NRG3: variants seen among roughly 807,000 people sequenced by gnomAD.
NRG3 encodes pro-neuregulin-3, membrane-bound isoform.
Under a neutral mutation model 66.9 loss-of-function variants are expected in NRG3, and 31 were observed. The ratio of observed to expected loss-of-function variants is 0.46; its 90% confidence interval spans 0.35 to 0.63. The LOEUF is 0.63. Ranked by LOEUF, NRG3 falls within the 20% of genes least tolerant of loss-of-function variation. The pLI is 0.00. For missense variants in NRG3, 910 were observed against 878.9 expected, an observed-to-expected ratio of 1.04 and a Z score of -0.45; for synonymous variants, 393 against 359.4, an observed-to-expected ratio of 1.09 and a Z score of -1.06.
At chr10:82,741,918 A>C (rs1258835617) in intron 3 of NRG3, among the ~76,000 whole-genome samples, 1 of 152,196 alleles carries the variant, frequency 6.6e-6, no homozygotes, top group Non-Finnish European at 1.5e-5. Context: ...TTAATGCAGC[A>C]ACTTGAGCTT....
chr10:82,618,833 A>T (rs1212442862), intron 2 of NRG3, among the ~76,000 whole-genome samples: 1 of 152,094 alleles, frequency 6.6e-6, no homozygotes, highest in Non-Finnish European at 1.5e-5. Flanking sequence ...ATTAAATGAT[A>T]TAATGCAAAT....
intron 1 of NRG3, among the ~76,000 whole-genome samples, chr10:81,939,031 C>G (rs1391406488): frequency 6.6e-6 from 1 of 151,792 alleles, no homozygotes; most frequent in Non-Finnish European, 1.5e-5. Flanking sequence ...GATTCATTGT[C>G]CTTTATTTTA....
intron 4 of NRG3, among the ~76,000 whole-genome samples, chr10:82,893,221 C>T (rs1218796274): frequency 6.6e-6 from 1 of 152,090 alleles, no homozygotes; most frequent in African/African-American, 2.4e-5. Flanking sequence ...ACAGCCTCCA[C>T]AAATTTCAAA....
intron 3 of NRG3, among the ~76,000 whole-genome samples, chr10:82,812,084 A>G (rs1038353619): frequency 6.6e-6 from 1 of 152,148 alleles, no homozygotes; most frequent in African/African-American, 2.4e-5. Context: ...AACCAAATAC[A>G]TGGCTCTTCT....
chr10:82,253,595 C>A (rs1420975730), intron 1 of NRG3, among the ~76,000 whole-genome samples: 1 of 152,212 alleles, frequency 6.6e-6, no homozygotes, highest in Admixed American at 6.5e-5. Flanking sequence ...CAGCCACCAT[C>A]ACCTTACTCA....
At chr10:82,604,818 T>C (rs1054473358) in intron 2 of NRG3, among the ~76,000 whole-genome samples, 1 of 152,130 alleles carries the variant, frequency 6.6e-6, no homozygotes, top group African/African-American at 2.4e-5. Context: ...TCTTTTTTAA[T>C]TTTCTTTTTT....
rs184687887 is a variant in NRG3, at chr10:82,252,047, C to T, written c.824-106692C>T. Among the ~76,000 whole-genome samples, 24 of 152,282 alleles carry T rather than the reference C, an allele frequency of 1.6e-4. No homozygotes were observed. In the East Asian group the frequency reaches 4.3e-3, roughly 27 times the overall value. ...CTGCATGGTGCTGTGGACAGAGAAG[C>T]AAGACTCAGAGACTGAGGCCTTCTG... On this transcript the variant is annotated intron_variant, in intron 1 of 8. Transcript: ENST00000372141.
chr10:82,679,584 G>A (rs546650532), intron 2 of NRG3, among the ~76,000 whole-genome samples: 1 of 152,298 alleles, frequency 6.6e-6, no homozygotes, highest in Admixed American at 6.5e-5. Context: ...ATAATGCAAA[G>A]CTGCTTGTTC....
chr10:82,964,954 C>G (rs972715818), intron 6 of NRG3, among the ~76,000 whole-genome samples: 5 of 152,158 alleles, frequency 3.3e-5, no homozygotes, highest in Admixed American at 6.5e-5. Context: ...GGTGCACCAC[C>G]TACAATGTGC....
intron 2 of NRG3, among the ~76,000 whole-genome samples, chr10:82,408,691 A>C (rs914403979): frequency 6.7e-6 from 1 of 150,006 alleles, no homozygotes; most frequent in Non-Finnish European, 1.5e-5. Context: ...GATTTTCCTC[A>C]GTGGCATTTG....
intron 2 of NRG3, among the ~76,000 whole-genome samples, chr10:82,493,310 G>T (rs1413289788): frequency 6.6e-6 from 1 of 151,998 alleles, no homozygotes; most frequent in East Asian, 1.9e-4. Context: ...GCCCCAGTTC[G>T]TGTTGTTCCT....
At chr10:82,199,489 T>A (rs977833573) in intron 1 of NRG3, among the ~76,000 whole-genome samples, 1 of 152,344 alleles carries the variant, frequency 6.6e-6, no homozygotes, top group Admixed American at 6.5e-5. Context: ...TGAAAATTTA[T>A]GTGAATATAT....
intron 1 of NRG3, among the ~76,000 whole-genome samples, chr10:82,208,506 C>T (rs1729788455): frequency 6.6e-6 from 1 of 152,024 alleles, no homozygotes; most frequent in African/African-American, 2.4e-5. Context: ...TGCTCTTTGT[C>T]CTGTAGATGA....
At chr10:81,975,090 C>G (rs1038656659) in intron 1 of NRG3, among the ~76,000 whole-genome samples, 3 of 150,834 alleles carry the variant, frequency 2.0e-5, no homozygotes, top group South Asian at 4.2e-4. Context: ...CAATGAAGAA[C>G]ACTGGAAAGG....
At chr10:82,314,257 T>A (rs1455467343) in intron 1 of NRG3, among the ~76,000 whole-genome samples, 1 of 152,192 alleles carries the variant, frequency 6.6e-6, no homozygotes, top group Admixed American at 6.5e-5. Context: ...TGATGCCCTA[T>A]AATAGAGGAG....
At chr10:82,579,638 A>G (rs570925096) in intron 2 of NRG3, among the ~76,000 whole-genome samples, 2 of 152,074 alleles carry the variant, frequency 1.3e-5, no homozygotes, top group South Asian at 4.1e-4. Context: ...AATTTGTAGC[A>G]TCTTGCTTGA....
At chr10:82,949,623 G>C (rs1192574556) in intron 4 of NRG3, among the ~76,000 whole-genome samples, 1 of 152,124 alleles carries the variant, frequency 6.6e-6, no homozygotes, top group African/African-American at 2.4e-5. Context: ...GGGAGGCCGA[G>C]GCAGGCAGAT....
chr10:82,167,287 C>T (rs2072158746), intron 1 of NRG3, among the ~76,000 whole-genome samples: 1 of 151,892 alleles, frequency 6.6e-6, no homozygotes, highest in Non-Finnish European at 1.5e-5. Context: ...AATTAATTTA[C>T]TTGGTAAGTG....
intron 2 of NRG3, among the ~76,000 whole-genome samples, chr10:82,394,201 C>T (rs766534473): frequency 6.6e-6 from 1 of 152,174 alleles, no homozygotes; most frequent in Non-Finnish European, 1.5e-5. Context: ...GGGGCTTCTT[C>T]TTCCTCTCTC....
Sources: allele counts gnomAD v4.1 joint callset (sites outside exome capture counted in the v4.1 genomes callset), GRCh38; gene constraint gnomAD v4.1.1; transcripts MANE v1.5; gene names NCBI Gene and HGNC (gene_info 2026-07-23, HGNC 2026-07-21).